The following VPS13D variants were observed in gnomAD, a reference collection of about 807,000 sequenced individuals.
The protein encoded by VPS13D is intermembrane lipid transfer protein VPS13D.
Under a neutral mutation model 461.9 loss-of-function variants are expected in VPS13D, and 187 were observed. That is an observed-to-expected ratio of 0.40 (90% confidence interval 0.36 to 0.46). The LOEUF (loss-of-function observed/expected upper bound fraction) is 0.46. Ranked by LOEUF, VPS13D falls within the 20% of genes least tolerant of loss-of-function variation. The pLI is 0.60. For synonymous variants in VPS13D, 1,951 were observed against 1,986.3 expected (o/e 0.98, Z 0.47); for missense variants, 4,711 against 5,364.9 (o/e 0.88, Z 3.81).
chr1:12,357,940 G>A (rs1643900817), intron 49 of VPS13D, among the ~76,000 whole-genome samples: 1 of 151,270 alleles, frequency 6.6e-6, no homozygotes, highest in Admixed American at 6.6e-5. Context: ...GGAGGCGGAG[G>A]TTGCAGTGAT....
At chr1:12,415,723 AT>A (rs1644785221) in intron 64 of VPS13D, among the ~76,000 whole-genome samples, 1 of 152,226 alleles carries the variant, frequency 6.6e-6, no homozygotes, top group South Asian at 2.1e-4. Context: ...ATCGTATCAA[AT>A]TTAATAGCTT....
Position 12,308,567 on chromosome 1 carries a change from T to C in VPS13D, c.6576T>C (p.Phe2192=). 6.2e-7 allele frequency: 1 copy of C among 1,613,946 alleles called. No homozygotes were observed. The highest frequency in any genetic ancestry group is 8.5e-7 in the Non-Finnish European group (1 of 1,180,002). The change falls in exon 27 of 70, where the codon TTT becomes TTC. Residue 2192 remains phenylalanine, a synonymous_variant. Coordinates refer to ENST00000620676, the MANE Select transcript of VPS13D (RefSeq NM_015378.4). ...GAGATCTGATCTTCCCTTCCTATTT[T>C]GTGCGACAGACAGGAGGAAGCCTCT... The part of the protein sequence containing the change: ...SSGDLIFPSY[F]VRQTGGSLLT...
intron 36 of VPS13D, among the ~76,000 whole-genome samples, chr1:12,329,511 C>T (rs1335576314): frequency 6.6e-6 from 1 of 152,168 alleles, no homozygotes; most frequent in Non-Finnish European, 1.5e-5. Flanking sequence ...CCGTACCTGG[C>T]CAGAAATATC....
chr1:12,456,924 C>T (rs1445801385), intron 66 of VPS13D, among the ~76,000 whole-genome samples: 1 of 152,218 alleles, frequency 6.6e-6, no homozygotes, highest in Non-Finnish European at 1.5e-5. Flanking sequence ...CCTTACTGAT[C>T]ATTCCTTCCA....
chr1:12,343,129 C>G (rs150984164), intron 42 of VPS13D, 78 bp downstream of exon 42: 19,871 of 1,224,340 alleles, frequency 0.016, 601 homozygotes, highest in Admixed American at 0.13. Context: ...TGTCTTTTTA[C>G]TTTCCTTATA....
intron 26 of VPS13D, among the ~76,000 whole-genome samples, chr1:12,306,313 T>C (rs1391877327): frequency 5.3e-5 from 8 of 151,972 alleles, no homozygotes; most frequent in Admixed American, 1.3e-4. Context: ...AATGGAAGAG[T>C]TGGACTACGA....
At chr1:12,401,339 C>T (rs1644577398) in intron 61 of VPS13D, among the ~76,000 whole-genome samples, 1 of 152,170 alleles carries the variant, frequency 6.6e-6, no homozygotes, top group Non-Finnish European at 1.5e-5. Flanking sequence ...TCATCCACCA[C>T]AGTGCATCTG....
chr1:12,248,267 AT>A (rs1390505643), intron 5 of VPS13D, among the ~76,000 whole-genome samples: 2 of 152,106 alleles, frequency 1.3e-5, no homozygotes, highest in African/African-American at 4.8e-5. Flanking sequence ...TGAATACCAG[AT>A]TCTTATCAGA....
At chr1:12,480,168 T>G (rs906611707) in intron 67 of VPS13D, among the ~76,000 whole-genome samples, 11 of 152,242 alleles carry the variant, frequency 7.2e-5, no homozygotes, top group African/African-American at 2.2e-4. Flanking sequence ...AAGTTCACAG[T>G]GTGCCAGTTT....
At chr1:12,288,562 T>C (rs1642038765) in intron 22 of VPS13D, among the ~76,000 whole-genome samples, 1 of 151,750 alleles carries the variant, frequency 6.6e-6, no homozygotes, top group Non-Finnish European at 1.5e-5. Context: ...CTCATCTCCT[T>C]CCCAAGAATC....
chr1:12,291,162 C>T, intron 23 of VPS13D, 38 bp downstream of exon 23: 1 of 1,593,756 alleles, frequency 6.3e-7, no homozygotes, highest in Non-Finnish European at 8.5e-7. Context: ...GATATTTTAT[C>T]ATAATACTTG....
At chr1:12,332,716 A>G (rs1166113301) in intron 37 of VPS13D, among the ~76,000 whole-genome samples, 1 of 152,208 alleles carries the variant, frequency 6.6e-6, no homozygotes, top group Non-Finnish European at 1.5e-5. Context: ...TAGTGAGTAC[A>G]CGAGTGTTAG....
chr1:12,504,984 G>A (rs949857390), intron 68 of VPS13D, among the ~76,000 whole-genome samples: 1 of 152,200 alleles, frequency 6.6e-6, no homozygotes, highest in East Asian at 1.9e-4. Context: ...AAGTGCCTGT[G>A]CTGTGCTCAC....
intron 67 of VPS13D, among the ~76,000 whole-genome samples, chr1:12,484,975 CGTGT>C (rs970095456): frequency 3.3e-5 from 5 of 151,206 alleles, no homozygotes; most frequent in Non-Finnish European, 7.4e-5. Flanking sequence ...TGTACACACA[CGTGT>C]GTGTGTGTGT....
chr1:12,332,871 T>G (rs531091839), intron 37 of VPS13D, among the ~76,000 whole-genome samples: 9 of 152,302 alleles, frequency 5.9e-5, no homozygotes, highest in African/African-American at 2.2e-4. Flanking sequence ...TTTAAGACAC[T>G]TTATTATTTT....
chr1:12,482,597 C>T (rs1645733885), intron 67 of VPS13D, among the ~76,000 whole-genome samples: 2 of 152,036 alleles, frequency 1.3e-5, no homozygotes, highest in Admixed American at 1.3e-4. Context: ...TTAATCCTTA[C>T]AAAACGAATG....
At chr1:12,330,230 A>G (rs1341077685) in intron 37 of VPS13D, among the ~76,000 whole-genome samples, 1 of 152,128 alleles carries the variant, frequency 6.6e-6, no homozygotes, top group Non-Finnish European at 1.5e-5. Context: ...AGCCTGGCCA[A>G]TGTGGCGAAA....
At chr1:12,269,843 G>A (rs1641382586) in intron 16 of VPS13D, among the ~76,000 whole-genome samples, 1 of 152,098 alleles carries the variant, frequency 6.6e-6, no homozygotes, top group Admixed American at 6.5e-5. Flanking sequence ...TCATTGCTCT[G>A]TCACTGATAG....
intron 5 of VPS13D, among the ~76,000 whole-genome samples, chr1:12,247,197 C>T (rs1025002824): frequency 2.0e-5 from 3 of 152,018 alleles, no homozygotes; most frequent in Non-Finnish European, 2.9e-5. Context: ...CCAAGGCAGG[C>T]GGATTGCTTG....
Sources: gnomAD v4.1 joint callset for allele counts (sites outside exome capture counted in the v4.1 genomes callset) on GRCh38, gnomAD v4.1.1 for gene constraint, MANE v1.5 for transcripts, NCBI Gene and HGNC (gene_info 2026-07-23, HGNC 2026-07-21) for gene names.